The following FAM193A variants were observed in gnomAD, a reference collection of about 807,000 sequenced individuals.
The protein encoded by FAM193A is family with sequence similarity 193 member A.
In FAM193A, 22 loss-of-function variants were observed where a neutral mutation model predicts 126.5. The observed-to-expected ratio is 0.17, with a 90% confidence interval of 0.12 to 0.25. The LOEUF (loss-of-function observed/expected upper bound fraction) is 0.25, where lower values mean the gene tolerates loss of function less well. Ranked by LOEUF, FAM193A falls within the 10% of genes least tolerant of loss-of-function variation. The pLI is 1.00. For synonymous variants in FAM193A, 761 were observed against 646.8 expected (o/e 1.18, Z -2.68); for missense variants, 1,675 against 1,672.8 (o/e 1.00, Z -0.02).
chr4:2,594,743 C>T (rs1740754625), intron 1 of FAM193A, among the ~76,000 whole-genome samples: 1 of 151,484 alleles, frequency 6.6e-6, no homozygotes, highest in Non-Finnish European at 1.5e-5. Flanking sequence ...CCGACACACA[C>T]ACACTTGCTG....
intron 6 of FAM193A, among the ~76,000 whole-genome samples, chr4:2,641,434 A>G (rs922766312): frequency 8.6e-5 from 13 of 151,522 alleles, no homozygotes; most frequent in Admixed American, 7.2e-4. Context: ...CGAGGCGGGC[A>G]GATCACGAGG....
Position 2,690,756 on chromosome 4 carries a change from A to G in FAM193A, c.2589A>G (p.Pro863=). The G allele has an allele frequency of 1.2e-6, 2 of 1,614,138 alleles. No individual in the cohort carries two copies. Among genetic ancestry groups the G allele is most frequent in the South Asian group, 2.2e-5 (2 of 91,082 alleles). Reference sequence around the variant, plus strand: ...CAAGACCGGAAGCCCTTCCACCTCCATCTAGCAATGAAACACCTGCAGTCT... The same window carrying G: ...CAAGACCGGAAGCCCTTCCACCTCCGTCTAGCAATGAAACACCTGCAGTCT... ...SETRPEALPP[P]SSNETPAVSD... Residue 863 remains proline (P), a synonymous_variant, in exon 15 of 21, where the codon CCA becomes CCG. Transcript: ENST00000637812.
rs1315439161 is a variant in FAM193A at position 2,700,536 on chromosome 4, A to G, written c.4364A>G (p.Asn1455Ser). 2 of 1,610,540 alleles carry G rather than the reference A, an allele frequency of 1.2e-6. No individual in the cohort carries two copies. The highest frequency in any genetic ancestry group is 2.2e-5 in the East Asian group (1 of 44,874). The stretch of plus-strand genomic sequence containing the variant: ...AAGAAGAAAGGAGACAGAGTCAACA[A>G]TTCAATTGGTAAATACAGAATAGCG... Reference protein sequence around the residue: ...NKKKKGDRVNNSIDDVFLPKD... With the variant: ...NKKKKGDRVNSSIDDVFLPKD... Residue 1455 changes from asparagine to serine, a missense_variant, in exon 19 of 21, where the codon AAT becomes AGT. By Grantham distance (46) the Asn-to-Ser change is conservative. This residue lies in a region of FAM193A where 415 missense variants were observed against 396.7 expected (regional missense o/e 1.05). Transcript: ENST00000637812.
At chr4:2,571,657 C>T (rs891170612) in intron 1 of FAM193A, among the ~76,000 whole-genome samples, 5 of 151,814 alleles carry the variant, frequency 3.3e-5, no homozygotes, top group Non-Finnish European at 5.9e-5. Context: ...TCTCTCACCT[C>T]AGCTTCCCAA....
At chr4:2,680,722 A>G (rs578041545) in intron 13 of FAM193A, among the ~76,000 whole-genome samples, 1 of 152,012 alleles carries the variant, frequency 6.6e-6, no homozygotes, top group East Asian at 1.9e-4. Flanking sequence ...GCTCACTGCA[A>G]CCTCTGCCTC....
chr4:2,546,626 T>C (rs1234962552), intron 1 of FAM193A, among the ~76,000 whole-genome samples: 1 of 152,186 alleles, frequency 6.6e-6, no homozygotes, highest in East Asian at 1.9e-4. Flanking sequence ...TACTGCTGTG[T>C]AGTATTCTGT....
intron 1 of FAM193A, among the ~76,000 whole-genome samples, chr4:2,580,103 TA>T (rs1343867362): frequency 6.6e-6 from 1 of 152,018 alleles, no homozygotes; most frequent in East Asian, 1.9e-4. Flanking sequence ...TATGCAGCCA[TA>T]AAAAAGAATG....
intron 12 of FAM193A, among the ~76,000 whole-genome samples, chr4:2,670,029 A>G (rs940744598): frequency 1.8e-4 from 28 of 152,146 alleles, no homozygotes; most frequent in South Asian, 6.2e-4. Flanking sequence ...TCCAGGTGTT[A>G]TTTGGATGCT....
intron 2 of FAM193A, among the ~76,000 whole-genome samples, chr4:2,609,452 A>C (rs181162785): frequency 1.8e-4 from 27 of 152,252 alleles, no homozygotes; most frequent in African/African-American, 6.3e-4. Context: ...TTCTGTTTTC[A>C]AGGCTGTTTT....
chr4:2,702,372 G>A (rs1717830024), intron 19 of FAM193A, among the ~76,000 whole-genome samples: 1 of 152,056 alleles, frequency 6.6e-6, no homozygotes, highest in Non-Finnish European at 1.5e-5. Context: ...CGATGCTCCG[G>A]GCTCATCTCG....
At chr4:2,646,612 G>A in intron 6 of FAM193A, 73 bp from the exon 7 acceptor site, 1 of 1,448,216 alleles carries the variant, frequency 6.9e-7, no homozygotes, top group Non-Finnish European at 9.3e-7. Flanking sequence ...AGTATCAGCA[G>A]GAAGCACATT....
At chr4:2,620,836 C>CACAAAAAAAAAAAAAAAAAAAAAA (rs1742498050) in intron 2 of FAM193A, among the ~76,000 whole-genome samples, 1 of 69,100 alleles carries the variant, frequency 1.4e-5, no homozygotes, top group Non-Finnish European at 2.7e-5. Context: ...AACTCCGTCT[C>CACAAAAAAAAAAAAAAAAAAAAAA]AAAAAAAAAA....
At chr4:2,596,469 T>C (rs1157248300) in intron 2 of FAM193A, 140 bp downstream of exon 2, 1 of 609,060 alleles carries the variant, frequency 1.6e-6, no homozygotes, top group Admixed American at 2.7e-5. Context: ...CTGTGTCTCC[T>C]GGTACGTTCC....
At chr4:2,650,288 C>T (rs1444038092) in intron 7 of FAM193A, among the ~76,000 whole-genome samples, 1 of 152,204 alleles carries the variant, frequency 6.6e-6, no homozygotes, top group East Asian at 1.9e-4. Context: ...TTGGGGACCA[C>T]TGCTCTAGAG....
At chr4:2,632,962 G>C (rs1038574933) in intron 5 of FAM193A, among the ~76,000 whole-genome samples, 5 of 152,210 alleles carry the variant, frequency 3.3e-5, no homozygotes, top group African/African-American at 1.2e-4. Context: ...GACAGCAGCT[G>C]TTGCTGCTCT....
intron 5 of FAM193A, among the ~76,000 whole-genome samples, chr4:2,638,596 A>ATC (rs2109022857): frequency 6.6e-6 from 1 of 152,324 alleles, no homozygotes; most frequent in Non-Finnish European, 1.5e-5. Context: ...TCATTGCTGA[A>ATC]TCTCTCAATT....
intron 1 of FAM193A, among the ~76,000 whole-genome samples, chr4:2,590,092 G>A (rs1253749192): frequency 5.4e-5 from 8 of 148,160 alleles, no homozygotes; most frequent in South Asian, 2.1e-4. Context: ...CTGAGATCAC[G>A]CCACTGCACT....
chr4:2,660,132 A>G (rs970333927), intron 10 of FAM193A, 78 bp downstream of exon 10: 41 of 1,438,382 alleles, frequency 2.9e-5, no homozygotes, highest in Non-Finnish European at 3.8e-5. Flanking sequence ...TAATGTCCAC[A>G]GAAGTATGAA....
intron 15 of FAM193A, among the ~76,000 whole-genome samples, chr4:2,691,518 C>T (rs999483303): frequency 1.3e-5 from 2 of 152,164 alleles, no homozygotes; most frequent in African/African-American, 4.8e-5. Flanking sequence ...GACAGGGCTG[C>T]CTGTCACCCA....
Sources: gnomAD v4.1 joint callset for allele counts (sites outside exome capture counted in the v4.1 genomes callset) on GRCh38, gnomAD v4.1.1 for gene constraint, gnomAD v4.1.1 regional missense constraint, MANE v1.5 for transcripts, NCBI Gene and HGNC (gene_info 2026-07-23, HGNC 2026-07-21) for gene names.